Variants in NAV2 observed in about 807,000 individuals in gnomAD.
The protein encoded by NAV2 is neuron navigator 2.
Under a neutral mutation model 223.2 loss-of-function variants are expected in NAV2, and 54 were observed. That is an observed-to-expected ratio of 0.24 (90% CI 0.19 to 0.30). The LOEUF is 0.30. Ranked by LOEUF, NAV2 falls within the 10% of genes least tolerant of loss-of-function variation. NAV2 has a pLI of 1.00. For missense variants in NAV2, 2,806 were observed against 3,147.5 expected (o/e 0.89, Z 2.60); for synonymous variants, 1,279 against 1,239.3 (o/e 1.03, Z -0.67).
intron 1 of NAV2, among the ~76,000 whole-genome samples, chr11:19,740,108 G>A (rs1008165694): frequency 6.6e-6 from 1 of 152,114 alleles, no homozygotes; most frequent in Non-Finnish European, 1.5e-5. Context: ...TAGAAACAAA[G>A]TACCCTGTGA....
chr11:19,496,125 T>C (rs1457219766), intron 1 of NAV2, among the ~76,000 whole-genome samples: 1 of 152,194 alleles, frequency 6.6e-6, no homozygotes, highest in Non-Finnish European at 1.5e-5. Flanking sequence ...TAGCATTGGG[T>C]GAGATTCAGA....
chr11:20,050,710 C>A (rs1442309969), intron 16 of NAV2, among the ~76,000 whole-genome samples: 1 of 152,196 alleles, frequency 6.6e-6, no homozygotes, highest in Non-Finnish European at 1.5e-5. Context: ...TTGTAACATG[C>A]CCCACCCAGG....
At chr11:19,930,840 C>G (rs984486912) in intron 6 of NAV2, among the ~76,000 whole-genome samples, 1 of 152,308 alleles carries the variant, frequency 6.6e-6, no homozygotes, top group Admixed American at 6.5e-5. Flanking sequence ...AGAGAGCCAT[C>G]CTCTGTGATG....
In NAV2 at chr11:19,501,955, T is replaced by C. The variant is rs143448818; in HGVS notation, c.75+150928T>C. 1.7e-3 allele frequency among the ~76,000 whole-genome samples: 257 copies of C among 152,306 alleles called. 1 individual carries two copies. The highest frequency in any genetic ancestry group is 4.3e-3 in the African/African-American group (178 of 41,582). ...GGATATAAAGCAGTTATATCCTTTT[T>C]AGCTTTGCTCCGCATTGTAAGTGAA... On this transcript the variant is annotated intron_variant, in intron 1 of 37. Transcript: ENST00000360655.
chr11:19,720,466 C>G (rs538077392), intron 1 of NAV2, among the ~76,000 whole-genome samples: 2 of 152,228 alleles, frequency 1.3e-5, no homozygotes, highest in East Asian at 3.9e-4. Context: ...AATATTTTGC[C>G]TCTTCTTCCA....
chr11:20,066,538 TAGG>T (rs2059053020), intron 20 of NAV2, among the ~76,000 whole-genome samples: 1 of 152,164 alleles, frequency 6.6e-6, no homozygotes, highest in Admixed American at 6.5e-5. Flanking sequence ...TTGCTGCTAG[TAGG>T]AGCCAACCTA....
intron 22 of NAV2, among the ~76,000 whole-genome samples, chr11:20,074,416 T>G (rs1399226300): frequency 6.6e-6 from 1 of 152,198 alleles, no homozygotes; most frequent in Non-Finnish European, 1.5e-5. Context: ...TCTGTTGATG[T>G]GGGGTTGAGA....
At chr11:19,994,057 G>C (rs1033655449) in intron 11 of NAV2, among the ~76,000 whole-genome samples, 22 of 152,166 alleles carry the variant, frequency 1.4e-4, no homozygotes, top group African/African-American at 5.3e-4. Flanking sequence ...AGGACCAGAA[G>C]CATCGGGGAC....
intron 1 of NAV2, among the ~76,000 whole-genome samples, chr11:19,696,463 T>G (rs1160915022): frequency 6.6e-6 from 1 of 152,266 alleles, no homozygotes; most frequent in South Asian, 2.1e-4. Context: ...GACTCTCATT[T>G]AGTCTATTGT....
chr11:20,073,829 T>A (rs2059556195), intron 22 of NAV2, among the ~76,000 whole-genome samples: 1 of 152,220 alleles, frequency 6.6e-6, no homozygotes, highest in African/African-American at 2.4e-5. Context: ...TTTTCTCTTT[T>A]CTTCTGTATT....
intron 1 of NAV2, among the ~76,000 whole-genome samples, chr11:19,584,491 T>C (rs2135062241): frequency 6.6e-6 from 1 of 152,344 alleles, no homozygotes; most frequent in East Asian, 1.9e-4. Flanking sequence ...TTTTAGATCT[T>C]TCCTGTTTTC....
chr11:19,626,299 G>A (rs2047168441), intron 1 of NAV2, among the ~76,000 whole-genome samples: 1 of 152,168 alleles, frequency 6.6e-6, no homozygotes, highest in Admixed American at 6.5e-5. Flanking sequence ...TTTCCTCAGT[G>A]AGTGTTCTTG....
intron 1 of NAV2, among the ~76,000 whole-genome samples, chr11:19,578,988 G>A (rs1224917976): frequency 2.0e-5 from 3 of 152,174 alleles, no homozygotes; most frequent in African/African-American, 7.2e-5. Context: ...GTGTGTGTAA[G>A]TTTCAACATC....
At position 19,554,786 on chromosome 11, in the gene NAV2, G is replaced by C. The variant is rs188609887; in HGVS notation, c.75+203759G>C. On this transcript the variant is annotated intron_variant, in intron 1 of 37. Transcript: ENST00000360655. The stretch of plus-strand genomic sequence containing the variant: ...GTTCGAGACCAGCCTGACCAACATG[G>C]AGAAACCCCGTCTCTACTAAAAATA... 2.0e-5 allele frequency among the ~76,000 whole-genome samples: 3 copies of C among 152,146 alleles called. No individual in the cohort carries two copies. In the East Asian group the frequency reaches 5.8e-4, roughly 29 times the overall value.
At chr11:20,014,520 C>T (rs1344308230) in intron 11 of NAV2, among the ~76,000 whole-genome samples, 3 of 152,066 alleles carry the variant, frequency 2.0e-5, no homozygotes, top group Non-Finnish European at 2.9e-5. Context: ...TTTGGGAGGC[C>T]AGGGTGAGAG....
intron 1 of NAV2, among the ~76,000 whole-genome samples, chr11:19,374,777 G>A (rs1848587451): frequency 6.6e-6 from 1 of 152,140 alleles, no homozygotes; most frequent in South Asian, 2.1e-4. Context: ...CTCCCGCTTT[G>A]TTCTCCAACT....
chr11:19,607,157 T>C (rs2046498912), intron 1 of NAV2, among the ~76,000 whole-genome samples: 1 of 152,216 alleles, frequency 6.6e-6, no homozygotes, highest in African/African-American at 2.4e-5. Flanking sequence ...GAAGTTGCAG[T>C]GGAGATGGCT....
At chr11:19,993,793 G>A (rs1335558012) in intron 11 of NAV2, among the ~76,000 whole-genome samples, 2 of 152,196 alleles carry the variant, frequency 1.3e-5, no homozygotes, top group Non-Finnish European at 2.9e-5. Flanking sequence ...TCAATGCTAT[G>A]AGTCAGTTGT....
intron 1 of NAV2, among the ~76,000 whole-genome samples, chr11:19,433,071 T>A (rs2133613518): frequency 6.6e-6 from 1 of 152,310 alleles, no homozygotes; most frequent in Non-Finnish European, 1.5e-5. Context: ...CTGGGAGTTA[T>A]GCTGTATAGA....
Sources: gnomAD v4.1 joint callset for allele counts (sites outside exome capture counted in the v4.1 genomes callset) on GRCh38, gnomAD v4.1.1 for gene constraint, MANE v1.5 for transcripts, NCBI Gene and HGNC (gene_info 2026-07-23, HGNC 2026-07-21) for gene names.